The following TMC5 variants were observed in gnomAD, a reference collection of about 807,000 sequenced individuals.
The protein encoded by TMC5 is transmembrane channel like 5.
A neutral mutation model predicts 110.5 loss-of-function variants in TMC5; 86 were observed. The observed-to-expected ratio is 0.78, with a 90% confidence interval of 0.65 to 0.93. The LOEUF is 0.93. TMC5 is among the 40% of genes least tolerant of loss of function. The pLI, the probability that TMC5 is intolerant of heterozygous loss-of-function variation, is 0.00. For synonymous variants in TMC5, 455 were observed against 439.5 expected (o/e 1.04, Z -0.44); for missense variants, 1,144 against 1,222.8 (o/e 0.94, Z 0.96).
At chr16:19,461,944 G>C (rs1388229732) in intron 6 of TMC5, among the ~76,000 whole-genome samples, 1 of 152,098 alleles carries the variant, frequency 6.6e-6, no homozygotes, top group African/African-American at 2.4e-5. Context: ...TGCCCTCCCT[G>C]ACTTTGCTGG....
chr16:19,486,939 TC>T lies in TMC5; in HGVS notation c.2364-5del, dbSNP rs1318312205. The T allele has an allele frequency of 6.2e-7, 1 of 1,613,650 alleles. No individual in the cohort carries two copies. The highest frequency in any genetic ancestry group is 2.2e-5 in the East Asian group (1 of 44,890). On this transcript the variant is annotated splice_region_variant and splice_polypyrimidine_tract_variant and intron_variant, in intron 15 of 21. Coordinates refer to ENST00000542583, the MANE Select transcript of TMC5 (RefSeq NM_001261841.2). ...GCCTCTGACACTCACCCTCTCTCCCTCACAGGATTGGCATCTTCTTCTGCCC... is the reference window on the plus strand; with the variant it reads ...GCCTCTGACACTCACCCTCTCTCCCTACAGGATTGGCATCTTCTTCTGCCC...
In TMC5 at chr16:19,460,249, G is replaced by A. The variant is rs36019638; in HGVS notation, c.1063G>A (p.Ala355Thr). Residue 355 changes from alanine (A) to threonine (T), a missense_variant, in exon 6 of 22, where the codon GCA becomes ACA. Physicochemically the swap from Ala to Thr is moderately conservative, Grantham distance 58. Coordinates refer to ENST00000542583, the MANE Select transcript of TMC5 (RefSeq NM_001261841.2). ...TTCTTTCATAGGACAGAAGTTAATC[G>A]CATCCCTTATACCCATGACATCCAG... ...HKSPQGQKLI[A>T]SLIPMTSRDR... is the part of the protein sequence containing the mutation. 85,897 of 1,609,434 alleles carry A rather than the reference G, an allele frequency of 0.053. 2,734 individuals are homozygous for A. Among genetic ancestry groups the A allele is most frequent in the Non-Finnish European group, 0.064 (75,745 of 1,176,586 alleles).
Position 19,457,709 on chromosome 16 carries a change from CTTTTTTTTTTTTT to C in TMC5, c.1049-2504_1049-2492del, listed in dbSNP as rs573979829. ...TCTATCTGATTCCCAAGACTACATT[CTTTTTTTTTTTTT>C]TTTTTTTTTTTTTTTTTTTTTGAGA... On this transcript the variant is annotated intron_variant, in intron 5 of 21. Transcript: ENST00000542583. Among the ~76,000 whole-genome samples, 96 of 43,918 alleles carry C rather than the reference CTTTTTTTTTTTTT, an allele frequency of 2.2e-3. No individual in the cohort carries two copies. The South Asian group carries it at 0.036, about 16-fold the overall frequency. The allele number at this position is 43,918 out of a possible 152,430, so 28.8% of individuals were successfully genotyped here.
At chr16:19,449,064 G>C (rs78343314) in intron 4 of TMC5, among the ~76,000 whole-genome samples, 10,661 of 151,740 alleles carry the variant, frequency 0.07, 760 homozygotes, top group African/African-American at 0.19. Context: ...GGTTAGCCAG[G>C]ATGGTCTCGA....
chr16:19,460,199 A>G, intron 5 of TMC5, 36 bp from the exon 6 acceptor site: 1 of 1,539,530 alleles, frequency 6.5e-7, no homozygotes, highest in South Asian at 1.1e-5. Flanking sequence ...TCTGTTAAAG[A>G]AAAAAGAAAT....
chr16:19,454,984 A>C (rs940341225), intron 5 of TMC5, among the ~76,000 whole-genome samples: 5 of 151,808 alleles, frequency 3.3e-5, no homozygotes, highest in African/African-American at 4.8e-5. Context: ...TTAAAAAAAA[A>C]CAAATAGCTG....
chr16:19,487,231 C>T lies in TMC5; in HGVS notation c.2478C>T (p.Ala826=), dbSNP rs2143732984. ...TGAATTTCCAGCCTCCGAGCAAAGC[C>T]TGGCGGGCCTCACAGATGATGACTT... The part of the protein sequence containing the change: ...LMMNFQPPSK[A]WRASQMMTFF... The change falls in exon 17 of 22, where the codon GCC becomes GCT. Residue 826 remains alanine, a synonymous_variant. Transcript: ENST00000542583. 1 of 1,614,056 alleles carries T rather than the reference C, an allele frequency of 6.2e-7. No individual in the cohort carries two copies. The highest frequency in any genetic ancestry group is 2.2e-5 in the East Asian group (1 of 44,872).
chr16:19,419,989 T>C (rs748565768), intron 1 of TMC5, among the ~76,000 whole-genome samples: 1 of 152,116 alleles, frequency 6.6e-6, no homozygotes, highest in South Asian at 2.1e-4. Flanking sequence ...AAGGCATTCA[T>C]AGGGAAAGGA....
intron 2 of TMC5, among the ~76,000 whole-genome samples, chr16:19,433,315 A>AG (rs1273620148): frequency 6.6e-6 from 1 of 152,178 alleles, no homozygotes; most frequent in Non-Finnish European, 1.5e-5. Context: ...TGGCAGTGGA[A>AG]GGGGAGCTAG....
intron 15 of TMC5, among the ~76,000 whole-genome samples, chr16:19,484,812 C>G (rs1162778248): frequency 6.7e-6 from 1 of 149,842 alleles, no homozygotes; most frequent in Non-Finnish European, 1.5e-5. Flanking sequence ...ACTTCTGGGC[C>G]TTTGAGATTT....
At chr16:19,435,053 T>A (rs1249207396) in intron 2 of TMC5, among the ~76,000 whole-genome samples, 1 of 152,198 alleles carries the variant, frequency 6.6e-6, no homozygotes, top group African/African-American at 2.4e-5. Flanking sequence ...TTTCATTGGT[T>A]CCGATTTTCT....
intron 2 of TMC5, among the ~76,000 whole-genome samples, chr16:19,437,683 G>A (rs530160671): frequency 6.6e-6 from 1 of 152,284 alleles, no homozygotes; most frequent in East Asian, 1.9e-4. Flanking sequence ...GCTTGAAACT[G>A]TAGAGATATG....
At chr16:19,469,891 A>C in intron 10 of TMC5, 66 bp downstream of exon 10, 1 of 1,537,622 alleles carries the variant, frequency 6.5e-7, no homozygotes. Flanking sequence ...GTATACCTGT[A>C]ACTTTTCTTT....
At chr16:19,441,307 ATT>A (rs60108922) in intron 3 of TMC5, among the ~76,000 whole-genome samples, 2 of 144,044 alleles carry the variant, frequency 1.4e-5, no homozygotes, top group East Asian at 2.0e-4. Flanking sequence ...TTTTTTGGTC[ATT>A]TTTTTTTCTT....
chr16:19,493,827 T>C (rs923318355), intron 19 of TMC5, among the ~76,000 whole-genome samples: 1 of 152,234 alleles, frequency 6.6e-6, no homozygotes, highest in Non-Finnish European at 1.5e-5. Flanking sequence ...CTCTTTTCTT[T>C]TTATTGTTAA....
intron 9 of TMC5, among the ~76,000 whole-genome samples, chr16:19,468,580 G>T (rs183931129): frequency 1.4e-3 from 213 of 152,288 alleles, no homozygotes; most frequent in African/African-American, 4.6e-3. Flanking sequence ...TTTAAATGGG[G>T]AGATTATCCT....
At chr16:19,432,404 G>GAATC (rs1967212949) in intron 2 of TMC5, among the ~76,000 whole-genome samples, 1 of 151,654 alleles carries the variant, frequency 6.6e-6, no homozygotes, top group Non-Finnish European at 1.5e-5. Context: ...AGGTGCTAGA[G>GAATC]AAAAACCAGG....
chr16:19,469,620 C>T (rs1968274593), intron 9 of TMC5, 61 bp from the exon 10 acceptor site: 3 of 1,599,578 alleles, frequency 1.9e-6, no homozygotes, highest in Non-Finnish European at 2.6e-6. Flanking sequence ...TTTGTTGAAG[C>T]CCTGCACTCC....
chr16:19,496,647 G>C (rs1969059384), intron 20 of TMC5, among the ~76,000 whole-genome samples: 1 of 152,072 alleles, frequency 6.6e-6, no homozygotes, highest in South Asian at 2.1e-4. Context: ...CACTTTGGGA[G>C]GCCGAGGTGG....
Sources: allele counts gnomAD v4.1 joint callset (sites outside exome capture counted in the v4.1 genomes callset), GRCh38; gene constraint gnomAD v4.1.1; transcripts MANE v1.5; gene names NCBI Gene and HGNC (gene_info 2026-07-23, HGNC 2026-07-21).